The following FLVCR2 variants were observed in gnomAD, a reference collection of about 807,000 sequenced individuals.
FLVCR2 encodes the protein choline/ethanolamine transporter FLVCR2.
In FLVCR2, 38 loss-of-function variants were observed where a neutral mutation model predicts 48.9. The ratio of observed to expected loss-of-function variants is 0.78; its 90% CI spans 0.60 to 1.02. The LOEUF is 1.02. Among genes scored for constraint, FLVCR2 ranks in the 50% least tolerant of loss-of-function variants. FLVCR2 has a pLI of 0.00. For synonymous variants in FLVCR2, 255 were observed against 257.0 expected, an observed-to-expected ratio of 0.99 and a Z score of 0.07; for missense variants, 664 against 663.3, an observed-to-expected ratio of 1.00 and a Z score of -0.01.
At chr14:75,606,723 A>C (rs1358055334) in intron 1 of FLVCR2, among the ~76,000 whole-genome samples, 1 of 152,182 alleles carries the variant, frequency 6.6e-6, no homozygotes. Context: ...AGGCCAAGGC[A>C]GGAGGATTGC....
intron 4 of FLVCR2, among the ~76,000 whole-genome samples, chr14:75,634,190 G>A (rs776582982): frequency 6.6e-6 from 1 of 152,132 alleles, no homozygotes; most frequent in Non-Finnish European, 1.5e-5. Context: ...TCAGGAATAC[G>A]GAGATGCAAC....
chr14:75,621,771 G>C (rs1306779210), intron 1 of FLVCR2, among the ~76,000 whole-genome samples: 1 of 152,186 alleles, frequency 6.6e-6, no homozygotes, highest in East Asian at 1.9e-4. Context: ...GTCTACTCCA[G>C]ATATGGGAGT....
chr14:75,636,673 C>T (rs536008065), intron 5 of FLVCR2, among the ~76,000 whole-genome samples: 1 of 152,256 alleles, frequency 6.6e-6, no homozygotes, highest in Admixed American at 6.5e-5. Flanking sequence ...TATTTTTCTC[C>T]CTGTGCCACT....
chr14:75,629,864 A>G (rs1388007201), intron 3 of FLVCR2, among the ~76,000 whole-genome samples: 1 of 152,176 alleles, frequency 6.6e-6, no homozygotes, highest in Non-Finnish European at 1.5e-5. Flanking sequence ...CAGAGCCTCA[A>G]CTTGTGTATC....
chr14:75,607,707 G>A (rs904075316), intron 1 of FLVCR2, among the ~76,000 whole-genome samples: 1 of 151,972 alleles, frequency 6.6e-6, no homozygotes, highest in African/African-American at 2.4e-5. Context: ...GTAATATATC[G>A]GATGTGTAGG....
chr14:75,627,134 C>CT (rs1276539039), intron 3 of FLVCR2, among the ~76,000 whole-genome samples: 2 of 151,976 alleles, frequency 1.3e-5, no homozygotes, highest in Non-Finnish European at 2.9e-5. Context: ...GCTACTCCTC[C>CT]TCCTTCCTCT....
intron 1 of FLVCR2, among the ~76,000 whole-genome samples, chr14:75,582,276 C>T (rs1888629341): frequency 6.6e-6 from 1 of 152,050 alleles, no homozygotes; most frequent in Admixed American, 6.6e-5. Flanking sequence ...CTCTTTCAGC[C>T]CATATAACAG....
chr14:75,626,479 T>C (rs1433482110), intron 3 of FLVCR2, among the ~76,000 whole-genome samples: 2 of 151,866 alleles, frequency 1.3e-5, no homozygotes, highest in African/African-American at 4.9e-5. Flanking sequence ...ACATAGAAAT[T>C]AGGTGACCTT....
intron 6 of FLVCR2, among the ~76,000 whole-genome samples, chr14:75,640,045 G>A (rs143123193): frequency 0.022 from 3,358 of 152,204 alleles, 54 homozygotes; most frequent in South Asian, 0.036. Context: ...AGATCACAAG[G>A]TCAGGAGTTC....
chr14:75,634,833 T>G (rs1215568231), intron 4 of FLVCR2, 77 bp from the exon 5 acceptor site: 9 of 938,456 alleles, frequency 9.6e-6, no homozygotes, highest in Non-Finnish European at 1.4e-5. Context: ...CCTTTGTTCC[T>G]TCACCCCATG....
At chr14:75,613,374 C>T (rs1400195180) in intron 1 of FLVCR2, among the ~76,000 whole-genome samples, 2 of 151,838 alleles carry the variant, frequency 1.3e-5, no homozygotes, top group East Asian at 3.9e-4. Flanking sequence ...GGGGAAGATG[C>T]CACACAGGTT....
At chr14:75,634,378 G>A (rs1890113708) in intron 4 of FLVCR2, among the ~76,000 whole-genome samples, 1 of 152,128 alleles carries the variant, frequency 6.6e-6, no homozygotes, top group Non-Finnish European at 1.5e-5. Flanking sequence ...TCTGCAAAAT[G>A]GAGAAGACTG....
chr14:75,640,991 G>A lies in FLVCR2; in HGVS notation c.1272G>A (p.Glu424=), dbSNP rs1479044570. ...CTGGCTATCTCCCACTGGGATTTGA[G>A]TTTGCTGTGGAGCTCACGTACCCAG... ...FMTGYLPLGF[E]FAVELTYPES... is the part of the protein sequence containing the mutation. Residue 424 remains glutamate, a synonymous_variant, in exon 7 of 10, where the codon GAG becomes GAA. Transcript: ENST00000238667. The A allele has an allele frequency of 1.2e-5, 19 of 1,613,984 alleles. No individual in the cohort carries two copies. Among genetic ancestry groups the A allele is most frequent in the Non-Finnish European group, 1.4e-5 (17 of 1,180,004 alleles).
At chr14:75,604,571 A>C (rs1383090191) in intron 1 of FLVCR2, among the ~76,000 whole-genome samples, 1 of 152,174 alleles carries the variant, frequency 6.6e-6, no homozygotes, top group Non-Finnish European at 1.5e-5. Context: ...CTAAAAAAAA[A>C]AAAGTATTAA....
chr14:75,610,639 G>A (rs148904611), intron 1 of FLVCR2, among the ~76,000 whole-genome samples: 36 of 152,314 alleles, frequency 2.4e-4, no homozygotes, highest in African/African-American at 7.0e-4. Flanking sequence ...ATTATAAACC[G>A]GGTGAGAGTG....
chr14:75,589,207 G>C (rs1363907659), intron 1 of FLVCR2, among the ~76,000 whole-genome samples: 1 of 152,132 alleles, frequency 6.6e-6, no homozygotes, highest in Non-Finnish European at 1.5e-5. Flanking sequence ...CAGAGAGAGA[G>C]ACCCTGTTTC....
intron 1 of FLVCR2, among the ~76,000 whole-genome samples, chr14:75,581,054 TA>T (rs200802190): frequency 0.02 from 3,052 of 152,110 alleles, 105 homozygotes; most frequent in African/African-American, 0.07. Flanking sequence ...CGAGCGGGAT[TA>T]GGGGCAGCGT....
chr14:75,611,901 C>T (rs752793296), intron 1 of FLVCR2, among the ~76,000 whole-genome samples: 3 of 152,204 alleles, frequency 2.0e-5, no homozygotes, highest in Non-Finnish European at 2.9e-5. Flanking sequence ...ATATTCACCT[C>T]CTTCCTCCTG....
intron 1 of FLVCR2, among the ~76,000 whole-genome samples, chr14:75,593,675 G>C (rs555675184): frequency 7.8e-4 from 118 of 152,236 alleles, no homozygotes; most frequent in Non-Finnish European, 1.4e-3. Flanking sequence ...GTTTAAGAGG[G>C]GACAAACTCA....
Sources: gnomAD v4.1 joint callset for allele counts (sites outside exome capture counted in the v4.1 genomes callset) on GRCh38, gnomAD v4.1.1 for gene constraint, MANE v1.5 for transcripts, NCBI Gene and HGNC (gene_info 2026-07-23, HGNC 2026-07-21) for gene names.